The following POLQ variants were observed in gnomAD, a reference collection of about 807,000 sequenced individuals.
The protein encoded by POLQ is epididymis secretory sperm binding protein.
In POLQ, 233 loss-of-function variants were observed where a neutral mutation model predicts 259.2. The observed-to-expected ratio is 0.90, with a 90% CI of 0.81 to 1.00. The LOEUF (loss-of-function observed/expected upper bound fraction) is 1.00. Among genes scored for constraint, POLQ ranks in the 50% least tolerant of loss-of-function variants. POLQ has a pLI of 0.00. For synonymous variants in POLQ, 1,025 were observed against 1,048.8 expected (o/e 0.98, Z 0.44); for missense variants, 2,871 against 3,051.6 (o/e 0.94, Z 1.39).
chr3:121,498,242 G>A (rs767657993), intron 13 of POLQ, among the ~76,000 whole-genome samples: 3 of 151,916 alleles, frequency 2.0e-5, no homozygotes, highest in Admixed American at 6.6e-5. Context: ...CCTGGGAGGC[G>A]GAGGTTGCGG....
intron 5 of POLQ, among the ~76,000 whole-genome samples, chr3:121,534,764 T>G (rs2048438826): frequency 6.6e-6 from 1 of 152,260 alleles, no homozygotes; most frequent in Non-Finnish European, 1.5e-5. Context: ...GATATTTTTA[T>G]TATACTTTCA....
intron 7 of POLQ, among the ~76,000 whole-genome samples, chr3:121,525,546 G>C (rs148586370): frequency 1.3e-5 from 2 of 151,968 alleles, no homozygotes; most frequent in Admixed American, 1.3e-4. Flanking sequence ...GTAACTTTAC[G>C]CAAATACATT....
At chr3:121,432,747 A>T (rs931216783) in intron 29 of POLQ, among the ~76,000 whole-genome samples, 171 bp downstream of exon 29, 2 of 152,174 alleles carry the variant, frequency 1.3e-5, no homozygotes, top group Non-Finnish European at 2.9e-5. Flanking sequence ...GAACTAGTAC[A>T]AAACGGAACA....
intron 12 of POLQ, among the ~76,000 whole-genome samples, chr3:121,504,969 G>C (rs1481829450): frequency 6.6e-6 from 1 of 152,074 alleles, no homozygotes; most frequent in African/African-American, 2.4e-5. Context: ...ATATAGTATA[G>C]ATATGTGTCC....
chr3:121,484,535 A>G (rs1290937938), intron 17 of POLQ, among the ~76,000 whole-genome samples: 1 of 152,228 alleles, frequency 6.6e-6, no homozygotes, highest in African/African-American at 2.4e-5. Flanking sequence ...AGGGAGAAGT[A>G]AGGAAGTGCT....
intron 9 of POLQ, 25 bp from the exon 10 acceptor site, chr3:121,512,054 C>T: frequency 6.3e-7 from 1 of 1,596,658 alleles, no homozygotes; most frequent in Non-Finnish European, 8.6e-7. Flanking sequence ...TACACATTTG[C>T]AAAATCCCAA....
At chr3:121,517,812 CCATCATATAAGGCCTAAATTACAATTA>C (rs1469030288) in intron 9 of POLQ, among the ~76,000 whole-genome samples, 7 of 152,142 alleles carry the variant, frequency 4.6e-5, no homozygotes, top group East Asian at 3.8e-4. Flanking sequence ...CACACTACAG[CCATCATATAAGGCCTAAATTACAATTA>C]CATCATATAA....
At chr3:121,479,039 C>T (rs976089123) in intron 19 of POLQ, among the ~76,000 whole-genome samples, 2 of 151,942 alleles carry the variant, frequency 1.3e-5, no homozygotes, top group Non-Finnish European at 2.9e-5. Flanking sequence ...GAATCGTTGG[C>T]TAAAAATTTC....
At chr3:121,465,768 C>T (rs1402509853) in intron 24 of POLQ, among the ~76,000 whole-genome samples, 1 of 152,204 alleles carries the variant, frequency 6.6e-6, no homozygotes, top group Non-Finnish European at 1.5e-5. Context: ...AACTACTCCA[C>T]TGACTGGCTG....
rs1174817236 is a variant in POLQ, at chr3:121,520,083, C to T, written c.1256G>A (p.Gly419Asp). ...GATATCCCTCTCCTCAAAAGTAAGA[C>T]CTAAAAAAAGGAGGTTTTTATATAT... ...VPWGVAFHHA[G>D]LTFEERDIIE... is the part of the protein sequence containing the mutation. The change falls in exon 9 of 30, where the codon GGT becomes GAT. Residue 419 changes from glycine to aspartate, a missense_variant and splice_region_variant. Gly to Asp is a moderately conservative substitution (Grantham distance 94). This residue lies in a region of POLQ where 783 missense variants were observed against 906.2 expected (regional missense o/e 0.86). Coordinates refer to ENST00000264233, the MANE Select transcript of POLQ (RefSeq NM_199420.4). 7 of 1,592,978 alleles carry T rather than the reference C, an allele frequency of 4.4e-6. No homozygotes were observed. The highest frequency in any genetic ancestry group is 6.0e-6 in the Non-Finnish European group (7 of 1,163,882).
chr3:121,457,344 A>G (rs1371463602), intron 25 of POLQ, among the ~76,000 whole-genome samples: 1 of 152,198 alleles, frequency 6.6e-6, no homozygotes, highest in Non-Finnish European at 1.5e-5. Flanking sequence ...CATGTCTAAA[A>G]CACCAAAAGC....
At chr3:121,519,359 G>GATATAT (rs58512042) in intron 9 of POLQ, among the ~76,000 whole-genome samples, 7,815 of 136,452 alleles carry the variant, frequency 0.057, 272 homozygotes, top group Middle Eastern at 0.08. Context: ...AACAGTTGAT[G>GATATAT]ATATATATAT....
In POLQ at chr3:121,522,220, A is replaced by T. The variant is rs1338819467; in HGVS notation, c.1109-71T>A. 7 of 1,059,678 alleles carry T rather than the reference A, an allele frequency of 6.6e-6. No individual in the cohort carries two copies. In the African/African-American group the frequency reaches 9.8e-5, roughly 15 times the overall value. 65.6% of individuals were successfully genotyped at this position (1,059,678 alleles called of 1,614,324 possible). ...CTTTAAGTGTATCTGTCTAAATCAT[A>T]ATAGAGCTAAATAGCAGGGGAATGG... On this transcript the variant is annotated intron_variant, in intron 7 of 29. Transcript: ENST00000264233.
intron 9 of POLQ, among the ~76,000 whole-genome samples, chr3:121,513,385 C>T (rs1261180448): frequency 1.3e-5 from 2 of 151,718 alleles, no homozygotes; most frequent in Non-Finnish European, 2.9e-5. Flanking sequence ...GGGCAGATCA[C>T]GAGGTCAAGA....
chr3:121,480,697 T>C (rs2047963426), intron 19 of POLQ, among the ~76,000 whole-genome samples: 1 of 152,160 alleles, frequency 6.6e-6, no homozygotes, highest in Non-Finnish European at 1.5e-5. Flanking sequence ...TTAAAAATTA[T>C]AATAATCAAC....
At chr3:121,524,367 T>G (rs2048358330) in intron 7 of POLQ, among the ~76,000 whole-genome samples, 3 of 152,168 alleles carry the variant, frequency 2.0e-5, no homozygotes, top group Admixed American at 1.3e-4. Flanking sequence ...GTATAATTAA[T>G]TAATAAAATA....
At chr3:121,518,391 C>G (rs965671141) in intron 9 of POLQ, among the ~76,000 whole-genome samples, 2 of 152,166 alleles carry the variant, frequency 1.3e-5, no homozygotes, top group African/African-American at 4.8e-5. Flanking sequence ...TAAAAAGAAG[C>G]TTGTTCACAG....
At chr3:121,450,005 T>C (rs372464744) in intron 25 of POLQ, among the ~76,000 whole-genome samples, 2 of 152,136 alleles carry the variant, frequency 1.3e-5, no homozygotes, top group African/African-American at 2.4e-5. Flanking sequence ...ATGATCTAAA[T>C]AGGCAATTAA....
intron 27 of POLQ, among the ~76,000 whole-genome samples, chr3:121,439,151 A>G (rs1462080528): frequency 6.6e-6 from 1 of 152,194 alleles, no homozygotes; most frequent in Non-Finnish European, 1.5e-5. Context: ...GCAAATATCA[A>G]TAAATCTTTT....
Sources: gnomAD v4.1 joint callset for allele counts (sites outside exome capture counted in the v4.1 genomes callset) on GRCh38, gnomAD v4.1.1 for gene constraint, gnomAD v4.1.1 regional missense constraint, MANE v1.5 for transcripts, NCBI Gene and HGNC (gene_info 2026-07-23, HGNC 2026-07-21) for gene names.